GATAD1: variants seen among roughly 807,000 people sequenced by gnomAD.
The protein encoded by GATAD1 is GATA zinc finger domain containing 1.
A neutral mutation model predicts 26.5 loss-of-function variants in GATAD1; 12 were observed. That is an observed-to-expected ratio of 0.45 (90% CI 0.29 to 0.73). The LOEUF is 0.73. Ranked by LOEUF, GATAD1 falls within the 30% of genes least tolerant of loss-of-function variation. GATAD1 has a pLI of 0.10. For missense variants in GATAD1, 266 were observed against 342.1 expected (o/e 0.78, Z 1.75); for synonymous variants, 129 against 133.1 (o/e 0.97, Z 0.21).
intron 3 of GATAD1, among the ~76,000 whole-genome samples, chr7:92,453,410 T>C (rs916736034): frequency 2.0e-5 from 3 of 152,202 alleles, no homozygotes; most frequent in Non-Finnish European, 4.4e-5. Flanking sequence ...GGACATAGGA[T>C]GGATACCAGA....
At chr7:92,462,102 A>G (rs1789940694), downstream of GATAD1, among the ~76,000 whole-genome samples, 1 of 152,216 alleles carries the variant, frequency 6.6e-6, no homozygotes, top group African/African-American at 2.4e-5. Context: ...CAGTAATTTC[A>G]TTTCTAAGAA....
At chr7:92,456,256 C>A in intron 4 of GATAD1, 116 bp from the exon 5 acceptor site, 1 of 575,316 alleles carries the variant, frequency 1.7e-6, no homozygotes, top group Non-Finnish European at 3.0e-6. Context: ...GTTTCAAGGG[C>A]TAATGCCAGG....
the GATAD1 span, chr7:92,487,176 A>G: frequency 4.7e-6 from 1 of 211,722 alleles, no homozygotes; most frequent in African/African-American, 2.3e-5. Context: ...CTCAAAAGAA[A>G]TAAATTAGTT....
At chr7:92,494,183 TAAGA>T in the GATAD1 span, 1 of 823,788 alleles carries the variant, frequency 1.2e-6, no homozygotes, top group Non-Finnish European at 2.1e-6. Context: ...AGCTTTTCCC[TAAGA>T]AAGCTGGTCT....
the GATAD1 span, chr7:92,469,943 T>C: frequency 2.6e-6 from 2 of 778,020 alleles, no homozygotes; most frequent in Non-Finnish European, 4.8e-6. Context: ...TCTAGTCCTT[T>C]GTAGGGGCTA....
chr7:92,473,600 C>A, the GATAD1 span, among the ~76,000 whole-genome samples: 2 of 151,988 alleles, frequency 1.3e-5, no homozygotes, highest in Admixed American at 1.3e-4. Flanking sequence ...GAATGTCTCT[C>A]CCTAACAAGG....
chr7:92,492,290 T>C, the GATAD1 span, among the ~76,000 whole-genome samples: 2 of 152,128 alleles, frequency 1.3e-5, no homozygotes, highest in Non-Finnish European at 2.9e-5. Context: ...ACTACAGGTA[T>C]GTGCCACCAT....
At chr7:92,460,262 G>T (rs770137602), downstream of GATAD1, among the ~76,000 whole-genome samples, 2 of 152,180 alleles carry the variant, frequency 1.3e-5, no homozygotes, top group Non-Finnish European at 2.9e-5. Flanking sequence ...TTTCTGTCAT[G>T]CCCAGAAAAG....
At chr7:92,461,003 C>T (rs1173585697), downstream of GATAD1, among the ~76,000 whole-genome samples, 1 of 152,106 alleles carries the variant, frequency 6.6e-6, no homozygotes, top group Non-Finnish European at 1.5e-5. Context: ...TTAGTCTATA[C>T]ATATCTAGAA....
chr7:92,483,958 G>A, the GATAD1 span, among the ~76,000 whole-genome samples: 1 of 152,116 alleles, frequency 6.6e-6, no homozygotes, highest in African/African-American at 2.4e-5. Flanking sequence ...GGAGACTGAA[G>A]GAACAGACAG....
At chr7:92,480,014 C>T in the GATAD1 span, among the ~76,000 whole-genome samples, 1 of 152,062 alleles carries the variant, frequency 6.6e-6, no homozygotes, top group South Asian at 2.1e-4. Flanking sequence ...GGGCTCTATC[C>T]TCCTTTTTAA....
In GATAD1 at chr7:92,460,059, G is replaced by A. The variant is rs1376325728; in HGVS notation, c.*3497G>A. 6.6e-6 allele frequency among the ~76,000 whole-genome samples: 1 copy of A among 152,164 alleles called. No individual in the cohort carries two copies. The highest frequency in any genetic ancestry group is 1.9e-4 in the East Asian group (1 of 5,202). On this transcript the variant is annotated 3_prime_UTR_variant, in exon 5 of 5. Transcript: ENST00000287957. ...TTAACACAAATAAAGCTTAATATGA[G>A]TATTTGAAGGAAATTATCCCAAACC...
the GATAD1 span, among the ~76,000 whole-genome samples, chr7:92,465,477 C>T: frequency 6.6e-6 from 1 of 151,750 alleles, no homozygotes; most frequent in African/African-American, 2.4e-5. Context: ...AATTAGCTGG[C>T]TGTGGTGGCC....
rs553248337 is a variant in GATAD1 at position 92,455,179 on chromosome 7, G to A, written c.619+494G>A. On this transcript the variant is annotated intron_variant, in intron 4 of 4. Transcript: ENST00000287957. The stretch of plus-strand genomic sequence containing the variant: ...TTATTAAGTACAAAAAAATTAGAGA[G>A]CTTTATAGAAAATATGAGGCATTTT... Among the ~76,000 whole-genome samples, 70 of 152,244 alleles carry A rather than the reference G, an allele frequency of 4.6e-4. 1 individual carries two copies. The highest frequency in any genetic ancestry group is 1.4e-3 in the African/African-American group (58 of 41,546).
the GATAD1 span, among the ~76,000 whole-genome samples, chr7:92,482,868 G>A: frequency 1.3e-5 from 2 of 152,126 alleles, no homozygotes; most frequent in Non-Finnish European, 2.9e-5. Context: ...AAGCTTGGCC[G>A]TCAATACCCA....
chr7:92,452,770 T>G (rs1789493825), intron 3 of GATAD1, among the ~76,000 whole-genome samples: 1 of 152,242 alleles, frequency 6.6e-6, no homozygotes, highest in Admixed American at 6.5e-5. Flanking sequence ...CACTAAGACA[T>G]TGTTTTTACT....
chr7:92,460,363 C>G (rs972682225), downstream of GATAD1, among the ~76,000 whole-genome samples: 7 of 152,048 alleles, frequency 4.6e-5, no homozygotes, highest in African/African-American at 1.7e-4. Context: ...TGAGCCATAC[C>G]TTTGGTAGGA....
the GATAD1 span, among the ~76,000 whole-genome samples, chr7:92,494,953 ACAGGGAT>A: frequency 2.5e-4 from 38 of 152,028 alleles, no homozygotes; most frequent in South Asian, 7.7e-3. Flanking sequence ...GGATAGACTA[ACAGGGAT>A]CAAAACAAAA....
the GATAD1 span, among the ~76,000 whole-genome samples, chr7:92,480,356 G>A: frequency 6.6e-3 from 1,010 of 152,312 alleles, 7 homozygotes; most frequent in Middle Eastern, 0.041. Flanking sequence ...TGTGAGTAAA[G>A]TCAATTTGCC....
Sources: allele counts gnomAD v4.1 joint callset (sites outside exome capture counted in the v4.1 genomes callset), GRCh38; gene constraint gnomAD v4.1.1; transcripts MANE v1.5; gene names NCBI Gene and HGNC (gene_info 2026-07-23, HGNC 2026-07-21).